The following EPHA6 variants were observed in gnomAD, a reference collection of about 807,000 sequenced individuals.
EPHA6 encodes the protein EPH receptor A6.
Under a neutral mutation model 112.0 loss-of-function variants are expected in EPHA6, and 50 were observed. The ratio of observed to expected loss-of-function variants is 0.45; its 90% CI spans 0.36 to 0.56. The LOEUF is 0.56. Among genes scored for constraint, EPHA6 ranks in the 20% least tolerant of loss-of-function variants. The probability of loss-of-function intolerance (pLI) is 0.00; values close to 1 mark genes in which losing one functional copy is unlikely to be tolerated. For synonymous variants in EPHA6, 529 were observed against 490.7 expected (o/e 1.08, Z -1.03); for missense variants, 1,280 against 1,417.4 (o/e 0.90, Z 1.56).
intron 3 of EPHA6, among the ~76,000 whole-genome samples, chr3:97,037,284 T>C (rs762254410): frequency 6.6e-6 from 1 of 152,038 alleles, no homozygotes; most frequent in Non-Finnish European, 1.5e-5. Flanking sequence ...CATTAACTCT[T>C]GGAAATTTCT....
At chr3:97,739,685 T>C (rs1326120647) in intron 16 of EPHA6, among the ~76,000 whole-genome samples, 1 of 152,122 alleles carries the variant, frequency 6.6e-6, no homozygotes, top group Non-Finnish European at 1.5e-5. Flanking sequence ...TATTCAGAGC[T>C]CTGTGCAGTT....
chr3:96,918,726 AT>A (rs1215801133), intron 2 of EPHA6, among the ~76,000 whole-genome samples: 4 of 151,742 alleles, frequency 2.6e-5, no homozygotes, highest in African/African-American at 9.7e-5. Flanking sequence ...AGGTATAACT[AT>A]TTTTTTTAAA....
At chr3:97,685,372 A>G (rs529682787) in intron 14 of EPHA6, among the ~76,000 whole-genome samples, 1 of 152,252 alleles carries the variant, frequency 6.6e-6, no homozygotes, top group African/African-American at 2.4e-5. Context: ...ATTTATCACA[A>G]CTCCATGAAG....
intron 4 of EPHA6, among the ~76,000 whole-genome samples, chr3:97,230,718 A>G (rs978126353): frequency 6.6e-6 from 1 of 152,212 alleles, no homozygotes; most frequent in Non-Finnish European, 1.5e-5. Context: ...CTAGGGAATG[A>G]GTAAATCTCA....
At chr3:97,312,820 T>G (rs1447509030) in intron 5 of EPHA6, among the ~76,000 whole-genome samples, 1 of 151,518 alleles carries the variant, frequency 6.6e-6, no homozygotes, top group African/African-American at 2.4e-5. Flanking sequence ...TTTCTGATTT[T>G]TGAATGTTAA....
chr3:96,854,626 AAAG>A lies in EPHA6; in HGVS notation c.386-12196_386-12194del, dbSNP rs1380129465. ...TATATGTATATGTGTGTGTGTAAAAAAAGAAATATACATTCATAGCAAATATTT... is the reference window on the plus strand; with the variant it reads ...TATATGTATATGTGTGTGTGTAAAAAAAATATACATTCATAGCAAATATTT... On this transcript the variant is annotated intron_variant, in intron 1 of 17. Transcript: ENST00000389672. Among the ~76,000 whole-genome samples, 3 of 152,262 alleles carry A rather than the reference AAAG, an allele frequency of 2.0e-5. No individual in the cohort carries two copies. The East Asian group carries it at 5.8e-4, about 29-fold the overall frequency.
Position 97,753,607 on chromosome 3 carries a change from T to C in EPHA6, c.*4906T>C, listed in dbSNP as rs2035952046. Among the ~76,000 whole-genome samples, 1 of 152,180 alleles carries C rather than the reference T, an allele frequency of 6.6e-6. No homozygotes were observed. The highest frequency in any genetic ancestry group is 1.5e-5 in the Non-Finnish European group (1 of 68,014). ...TTCACTACCTCAAAGGTGCCTCCTG[T>C]TAGAAAACATTAGCTTTTTTTCAAG... is the stretch of plus-strand genomic sequence containing the variant. On this transcript the variant is annotated 3_prime_UTR_variant, in exon 18 of 18. Transcript: ENST00000389672.
At chr3:96,988,899 G>A (rs903536647) in intron 3 of EPHA6, among the ~76,000 whole-genome samples, 17 of 151,912 alleles carry the variant, frequency 1.1e-4, no homozygotes, top group African/African-American at 3.6e-4. Context: ...TTTTATGAAG[G>A]CTTATTTACC....
chr3:97,576,660 C>T (rs542359555), intron 11 of EPHA6, among the ~76,000 whole-genome samples: 1 of 152,066 alleles, frequency 6.6e-6, no homozygotes, highest in African/African-American at 2.4e-5. Context: ...CTTTGTTTTA[C>T]TGTTAAAAGA....
At chr3:97,325,882 C>A (rs1197240706) in intron 5 of EPHA6, among the ~76,000 whole-genome samples, 1 of 151,828 alleles carries the variant, frequency 6.6e-6, no homozygotes, top group African/African-American at 2.4e-5. Context: ...GAATTTTAAC[C>A]TAGGAATCTC....
chr3:96,819,481 G>C (rs928167169), intron 1 of EPHA6, among the ~76,000 whole-genome samples: 16 of 151,852 alleles, frequency 1.1e-4, no homozygotes, highest in African/African-American at 3.1e-4. Context: ...GCTTCTGACT[G>C]CATGCTCCAT....
At chr3:97,401,250 T>A (rs2086973897) in intron 5 of EPHA6, among the ~76,000 whole-genome samples, 1 of 151,770 alleles carries the variant, frequency 6.6e-6, no homozygotes, top group Admixed American at 6.6e-5. Flanking sequence ...AGGGTGGCTG[T>A]TAAATGAATT....
At chr3:97,070,455 T>C (rs917412695) in intron 3 of EPHA6, among the ~76,000 whole-genome samples, 5 of 152,138 alleles carry the variant, frequency 3.3e-5, no homozygotes, top group African/African-American at 1.2e-4. Flanking sequence ...GGGCTACTAA[T>C]AGCACTCACA....
At chr3:97,036,344 A>C (rs2045093209) in intron 3 of EPHA6, among the ~76,000 whole-genome samples, 1 of 152,086 alleles carries the variant, frequency 6.6e-6, no homozygotes, top group South Asian at 2.1e-4. Flanking sequence ...ATGCTTTCAA[A>C]GATTTCAAAG....
At chr3:97,550,080 A>G (rs183667800) in intron 11 of EPHA6, among the ~76,000 whole-genome samples, 2 of 152,332 alleles carry the variant, frequency 1.3e-5, no homozygotes, top group East Asian at 3.9e-4. Flanking sequence ...TATTCTGGAA[A>G]CAGATACCAG....
At chr3:97,394,140 A>C (rs1434544652) in intron 5 of EPHA6, among the ~76,000 whole-genome samples, 1 of 151,756 alleles carries the variant, frequency 6.6e-6, no homozygotes, top group Non-Finnish European at 1.5e-5. Context: ...TGCTTTTCAA[A>C]AAAGATACCA....
chr3:97,335,990 A>G (rs1232063358), intron 5 of EPHA6, among the ~76,000 whole-genome samples: 3 of 152,112 alleles, frequency 2.0e-5, no homozygotes. Context: ...GGTGGTGCCA[A>G]CTGATCTATT....
At chr3:97,371,479 C>A (rs551949550) in intron 5 of EPHA6, among the ~76,000 whole-genome samples, 2 of 152,286 alleles carry the variant, frequency 1.3e-5, no homozygotes, top group South Asian at 4.1e-4. Flanking sequence ...CCAATCAATA[C>A]CCTTGTGATT....
intron 5 of EPHA6, among the ~76,000 whole-genome samples, chr3:97,333,424 C>T (rs903607492): frequency 6.7e-5 from 10 of 150,232 alleles, no homozygotes; most frequent in African/African-American, 2.4e-4. Context: ...TCATCTGCAA[C>T]CAGAAAGAGT....
Sources: allele counts gnomAD v4.1 joint callset (sites outside exome capture counted in the v4.1 genomes callset), GRCh38; gene constraint gnomAD v4.1.1; transcripts MANE v1.5; gene names NCBI Gene and HGNC (gene_info 2026-07-23, HGNC 2026-07-21).